Variants in MSH6 observed in about 807,000 individuals in gnomAD.
MSH6 encodes the protein mutS homolog 6, also known as DNA mismatch repair protein Msh6.
In MSH6, 85 loss-of-function variants were observed where a neutral mutation model predicts 119.1. The observed-to-expected ratio is 0.71, with a 90% CI of 0.60 to 0.85. The LOEUF is 0.85. Ranked by LOEUF, MSH6 falls within the 40% of genes least tolerant of loss-of-function variation. The probability of loss-of-function intolerance (pLI) is 0.00; values close to 1 mark genes in which losing one functional copy is unlikely to be tolerated. For synonymous variants in MSH6, 830 were observed against 586.9 expected, an observed-to-expected ratio of 1.41 and a Z score of -5.99; for missense variants, 2,163 against 1,655.3, an observed-to-expected ratio of 1.31 and a Z score of -5.32.
At chr2:47,807,569 CAG>C (rs372869373), downstream of MSH6, 179 of 215,210 alleles carry the variant, frequency 8.3e-4, no homozygotes, top group African/African-American at 1.5e-3. Context: ...GCTAACAAAA[CAG>C]GGCACATTCA....
intron 4 of MSH6, among the ~76,000 whole-genome samples, chr2:47,802,883 T>A (rs3136344): frequency 0.073 from 11,084 of 152,068 alleles, 575 homozygotes; most frequent in Non-Finnish European, 0.11. Context: ...GTAAGAGGCT[T>A]AAGTGTAGCA....
chr2:47,807,904 C>A (rs923514601), downstream of MSH6: 2 of 490,806 alleles, frequency 4.1e-6, no homozygotes, highest in African/African-American at 3.8e-5. Context: ...AGTCTTTACA[C>A]AGTAATGCTA....
downstream of MSH6, chr2:47,807,669 A>T (rs1670317937): frequency 5.2e-5 from 3 of 57,406 alleles, no homozygotes; most frequent in African/African-American, 1.4e-4. Context: ...ATACATGTTA[A>T]AAAAAAAAAA....
intron 2 of MSH6, among the ~76,000 whole-genome samples, chr2:47,795,422 A>ATGTGTGTGTGTGTGTGTGTGTGTG (rs10699372): frequency 5.6e-5 from 8 of 141,674 alleles, no homozygotes; most frequent in Non-Finnish European, 9.1e-5. Context: ...AAGTTATTTT[A>ATGTGTGTGTGTGTGTGTGTGTGTG]TGTGTGTGTG....
At chr2:47,796,117 AAGGGGGAGGGTG>A in intron 3 of MSH6, 54 bp downstream of exon 3, 1 of 1,580,528 alleles carries the variant, frequency 6.3e-7, no homozygotes, top group South Asian at 1.1e-5. Context: ...TGGGGGAAGA[AAGGGGGAGGGTG>A]TATTAACAAG....
At chr2:47,809,284 ATAAG>A (rs750085499), downstream of MSH6, 20 of 1,438,844 alleles carry the variant, frequency 1.4e-5, no homozygotes, top group Admixed American at 5.9e-5. Flanking sequence ...AAAAGAAAGA[ATAAG>A]TAAAAATTCA....
intron 1 of MSH6, among the ~76,000 whole-genome samples, chr2:47,789,065 A>G (rs1443717613): frequency 1.3e-5 from 2 of 150,346 alleles, no homozygotes; most frequent in East Asian, 3.9e-4. Flanking sequence ...AGCTGGGATT[A>G]TAGGCCTCTG....
intron 3 of MSH6, among the ~76,000 whole-genome samples, chr2:47,798,277 C>T (rs945725526): frequency 1.3e-5 from 2 of 152,126 alleles, no homozygotes; most frequent in African/African-American, 4.8e-5. Context: ...GGGGTTATCC[C>T]ATCCACAACT....
chr2:47,801,694 C>CA (rs1164918507), intron 4 of MSH6, among the ~76,000 whole-genome samples: 1 of 151,856 alleles, frequency 6.6e-6, no homozygotes, highest in Non-Finnish European at 1.5e-5. Flanking sequence ...AATAATCGAA[C>CA]AAAAGGTTTT....
At chr2:47,803,376 A>AC (rs1185195535) in intron 4 of MSH6, 44 bp from the exon 5 acceptor site, 3 of 1,613,518 alleles carry the variant, frequency 1.9e-6, no homozygotes, top group South Asian at 1.1e-5. Flanking sequence ...GGCTGATAAA[A>AC]CCCCCAAACG....
At chr2:47,786,532 C>T (rs3136251) in intron 1 of MSH6, among the ~76,000 whole-genome samples, 8,158 of 151,678 alleles carry the variant, frequency 0.054, 248 homozygotes, top group Non-Finnish European at 0.068. Context: ...ACGGGTTTCA[C>T]CATGTTGGTC....
chr2:47,799,462 G>A lies in MSH6; in HGVS notation c.1479G>A (p.Glu493=), dbSNP rs753042580. 1.2e-6 allele frequency: 2 copies of A among 1,614,138 alleles called. No homozygotes were observed. The highest frequency in any genetic ancestry group is 2.2e-5 in the South Asian group (2 of 91,076). ...VEQTETPEMM[E]ARCRKMAHIS... The stretch of plus-strand genomic sequence containing the variant: ...AGACTGAGACTCCAGAAATGATGGA[G>A]GCACGATGTAGAAAGATGGCACATA... Residue 493 remains glutamate (E), a synonymous_variant, in exon 4 of 10, where the codon GAG becomes GAA. Transcript: ENST00000234420.
Position 47,806,750 on chromosome 2 carries a change from AC to A in MSH6, c.4002-28del, listed in dbSNP as rs1572749250. ...TGATGCACTATGAAAAAACAAAAAA[AC>A]TTTTTTTTTTTTTTTTTTAATTTTA... On this transcript the variant is annotated intron_variant, in intron 9 of 9. Transcript: ENST00000234420. 10 of 1,404,288 alleles carry A rather than the reference AC, an allele frequency of 7.1e-6. No individual in the cohort carries two copies. The highest frequency in any genetic ancestry group is 1.8e-5 in the Admixed American group (1 of 55,148). 87.0% of individuals were successfully genotyped at this position (1,404,288 alleles called of 1,614,324 possible). A position where few individuals can be genotyped will look rare whatever the true frequency, so the allele number is the denominator to read the frequency against.
chr2:47,808,019 C>G, downstream of MSH6: 2 of 1,096,180 alleles, frequency 1.8e-6, no homozygotes, highest in East Asian at 2.4e-5. Flanking sequence ...TTAATACAGT[C>G]TCTTCCTGTA....
At chr2:47,809,824 GTC>G, downstream of MSH6, 4 of 636,080 alleles carry the variant, frequency 6.3e-6, no homozygotes, top group Non-Finnish European at 1.1e-5. Flanking sequence ...CCCTCTTAAT[GTC>G]TACTGAATAA....
intron 3 of MSH6, 71 bp downstream of exon 3, chr2:47,796,134 A>G (rs2104243926): frequency 6.7e-7 from 1 of 1,490,100 alleles, no homozygotes. Flanking sequence ...AGGGTGTATT[A>G]ACAAGATACC....
In MSH6 at chr2:47,799,404, T is replaced by C. The variant is rs1669329899; in HGVS notation, c.1421T>C (p.Val474Ala). ...IAFGRYSDSL[V>A]QKGYKVARVE... ...TTTGGCCGTTATTCAGATTCCCTGG[T>C]GCAGAAGGGCTATAAAGTAGCACGA... The change falls in exon 4 of 10, where the codon GTG becomes GCG. Residue 474 changes from valine to alanine, a missense_variant. Transcript: ENST00000234420. 6.2e-7 allele frequency: 1 copy of C among 1,614,148 alleles called. No individual in the cohort carries two copies. Among genetic ancestry groups the C allele is most frequent in the Non-Finnish European group, 8.5e-7 (1 of 1,180,032 alleles).
downstream of MSH6, chr2:47,809,269 G>GA: frequency 6.6e-7 from 1 of 1,511,864 alleles, no homozygotes; most frequent in Non-Finnish European, 9.1e-7. Flanking sequence ...TTTGTTATCT[G>GA]TAATAAAAGA....
intron 1 of MSH6, among the ~76,000 whole-genome samples, chr2:47,786,255 C>T (rs1018037142): frequency 6.6e-6 from 1 of 152,024 alleles, no homozygotes; most frequent in Non-Finnish European, 1.5e-5. Context: ...AAGCAGAGAT[C>T]CAATCATGAA....
Sources: gnomAD v4.1 joint callset for allele counts (sites outside exome capture counted in the v4.1 genomes callset) on GRCh38, gnomAD v4.1.1 for gene constraint, MANE v1.5 for transcripts, NCBI Gene and HGNC (gene_info 2026-07-23, HGNC 2026-07-21) for gene names.